Variants in FAM171B observed in about 807,000 individuals in gnomAD.
The protein encoded by FAM171B is family with sequence similarity 171 member B.
A neutral mutation model predicts 75.6 loss-of-function variants in FAM171B; 19 were observed. That is an observed-to-expected ratio of 0.25 (90% CI 0.18 to 0.37). The LOEUF is 0.37. FAM171B is among the 10% of genes least tolerant of loss of function. The probability of loss-of-function intolerance (pLI) is 1.00; values close to 1 mark genes in which losing one functional copy is unlikely to be tolerated. For synonymous variants in FAM171B, 367 were observed against 361.7 expected, an observed-to-expected ratio of 1.01 and a Z score of -0.17; for missense variants, 848 against 982.4, an observed-to-expected ratio of 0.86 and a Z score of 1.83.
intron 1 of FAM171B, among the ~76,000 whole-genome samples, chr2:186,701,785 G>A (rs1237042143): frequency 6.6e-6 from 1 of 152,140 alleles, no homozygotes; most frequent in Non-Finnish European, 1.5e-5. Flanking sequence ...GTTTTATAGT[G>A]TTCTTAATGT....
chr2:186,716,547 T>G (rs1689877554), intron 1 of FAM171B, among the ~76,000 whole-genome samples: 1 of 152,198 alleles, frequency 6.6e-6, no homozygotes, highest in East Asian at 1.9e-4. Flanking sequence ...TAACTTACTA[T>G]GATTACTGCA....
At chr2:186,741,627 A>AT (rs1170644580) in intron 2 of FAM171B, among the ~76,000 whole-genome samples, 2 of 152,102 alleles carry the variant, frequency 1.3e-5, no homozygotes, top group Non-Finnish European at 2.9e-5. Context: ...ACACACTTAG[A>AT]TTTTTTTACC....
chr2:186,742,704 T>A (rs1009504647), intron 2 of FAM171B, among the ~76,000 whole-genome samples: 1 of 152,148 alleles, frequency 6.6e-6, no homozygotes, highest in Non-Finnish European at 1.5e-5. Flanking sequence ...CTTTGGGAGC[T>A]CCTCAAAACT....
At position 186,724,136 on chromosome 2, in the gene FAM171B, A is replaced by G. The variant is rs1396717988; in HGVS notation, c.239-16092A>G. 2.0e-5 allele frequency among the ~76,000 whole-genome samples: 3 copies of G among 152,148 alleles called. No homozygotes were observed. The East Asian group carries it at 5.8e-4, about 29-fold the overall frequency. On this transcript the variant is annotated intron_variant, in intron 1 of 7. Coordinates refer to ENST00000304698, the MANE Select transcript of FAM171B (RefSeq NM_177454.4). ...TTAGCACAGCAAGTTTGGTTGCTCT[A>G]TCCTTGCTTGTCATGAAGCCTGGAG...
chr2:186,700,468 T>C (rs1267558580), intron 1 of FAM171B, among the ~76,000 whole-genome samples: 1 of 152,208 alleles, frequency 6.6e-6, no homozygotes, highest in Non-Finnish European at 1.5e-5. Context: ...TAGATTAATT[T>C]TGCATTTTAT....
chr2:186,742,976 T>G (rs1391277646), intron 2 of FAM171B, among the ~76,000 whole-genome samples: 1 of 152,188 alleles, frequency 6.6e-6, no homozygotes, highest in Non-Finnish European at 1.5e-5. Flanking sequence ...AATTGTTTCC[T>G]TCTCTGCCAA....
At chr2:186,757,434 A>G (rs1416350425) in intron 6 of FAM171B, among the ~76,000 whole-genome samples, 1 of 152,138 alleles carries the variant, frequency 6.6e-6, no homozygotes, top group Non-Finnish European at 1.5e-5. Context: ...ATTATGACAC[A>G]ATCCCTAATG....
intron 2 of FAM171B, among the ~76,000 whole-genome samples, chr2:186,742,154 G>T (rs548255718): frequency 1.3e-5 from 2 of 152,068 alleles, no homozygotes; most frequent in Admixed American, 6.6e-5. Context: ...TCCTATGGTG[G>T]TGTTGCAGTG....
intron 3 of FAM171B, among the ~76,000 whole-genome samples, chr2:186,744,335 ACT>A (rs1690335909): frequency 6.6e-6 from 1 of 152,016 alleles, no homozygotes. Flanking sequence ...GGTAAAAAGA[ACT>A]CTCTGTGAAA....
At chr2:186,739,692 G>A (rs1690259307) in intron 1 of FAM171B, among the ~76,000 whole-genome samples, 1 of 152,108 alleles carries the variant, frequency 6.6e-6, no homozygotes, top group Non-Finnish European at 1.5e-5. Context: ...AATACCTCCT[G>A]AAGGACCTGC....
chr2:186,762,443 A>T lies in FAM171B; in HGVS notation c.2101A>T (p.Asn701Tyr). The T allele has an allele frequency of 6.2e-7, 1 of 1,613,668 alleles. No homozygotes were observed. Among genetic ancestry groups the T allele is most frequent in the Non-Finnish European group, 8.5e-7 (1 of 1,179,796 alleles). Reference protein sequence around the residue: ...DLKKGKRTQSNDTSLDSGVDM... With the variant: ...DLKKGKRTQSYDTSLDSGVDM... ...GAAAAAGGGCAAGAGAACCCAGAGC[A>T]ATGACACCAGTCTGGACTCTGGGGT... The change falls in exon 8 of 8, where the codon AAT (asparagine) becomes TAT (tyrosine). Residue 701 changes from asparagine to tyrosine, a missense_variant. Physicochemically the swap from Asn to Tyr is moderately radical, Grantham distance 143. Around this residue, in one of 3 missense-constraint regions of FAM171B, gnomAD observed 136 missense variants for 159.3 expected, o/e 0.85. Coordinates refer to ENST00000304698, the MANE Select transcript of FAM171B (RefSeq NM_177454.4). The surrounding 1 kb of genome is among the most constrained non-coding windows in gnomAD (Gnocchi z 4.0).
At chr2:186,752,830 A>C (rs780104918) in intron 5 of FAM171B, among the ~76,000 whole-genome samples, 49 of 152,232 alleles carry the variant, frequency 3.2e-4, no homozygotes, top group Non-Finnish European at 6.2e-4. Flanking sequence ...CCATAATACA[A>C]ATATACACCA....
intron 1 of FAM171B, among the ~76,000 whole-genome samples, chr2:186,710,394 G>A (rs529786949): frequency 5.3e-5 from 8 of 152,322 alleles, no homozygotes; most frequent in African/African-American, 1.7e-4. Context: ...GAAAGATACT[G>A]TCTTAACCCA....
At chr2:186,706,563 T>C (rs1438784425) in intron 1 of FAM171B, among the ~76,000 whole-genome samples, 1 of 152,218 alleles carries the variant, frequency 6.6e-6, no homozygotes, top group African/African-American at 2.4e-5. Flanking sequence ...CATTCTGGTG[T>C]TCCAAAGATA....
chr2:186,756,223 T>C (rs1212510518), intron 6 of FAM171B, among the ~76,000 whole-genome samples: 1 of 152,250 alleles, frequency 6.6e-6, no homozygotes, highest in Non-Finnish European at 1.5e-5. Flanking sequence ...AGTATGGGAT[T>C]CTTGTTTAGT....
Position 186,765,128 on chromosome 2 carries a change from C to T in FAM171B, c.*2305C>T, listed in dbSNP as rs1032868000. On this transcript the variant is annotated 3_prime_UTR_variant, in exon 8 of 8. Transcript: ENST00000304698. ...TAATGATCAAAAGAGTGTGACTTCT[C>T]ATTTGTGAGTAGTTCACAAATTTCC... The T allele has an allele frequency of 3.3e-5, 5 of 151,956 alleles. No homozygotes were observed. The highest frequency in any genetic ancestry group is 2.0e-4 in the Admixed American group (3 of 15,232). The allele number at this position is 151,956 out of a possible 1,614,324, so 9.4% of individuals were successfully genotyped here. A position where few individuals can be genotyped will look rare whatever the true frequency, so the allele number is the denominator to read the frequency against.
chr2:186,751,520 A>G (rs1690454732), intron 5 of FAM171B, among the ~76,000 whole-genome samples: 1 of 152,144 alleles, frequency 6.6e-6, no homozygotes, highest in South Asian at 2.1e-4. Context: ...TTATTTATTC[A>G]TTCCCTTACC....
At chr2:186,720,126 C>T (rs1362660961) in intron 1 of FAM171B, among the ~76,000 whole-genome samples, 1 of 152,352 alleles carries the variant, frequency 6.6e-6, no homozygotes, top group African/African-American at 2.4e-5. Context: ...TAACCTCCAC[C>T]TCCTGGGTTC....
intron 5 of FAM171B, among the ~76,000 whole-genome samples, chr2:186,753,244 G>A (rs1455945224): frequency 6.6e-6 from 1 of 152,084 alleles, no homozygotes; most frequent in African/African-American, 2.4e-5. Context: ...CACCTCCCAG[G>A]CTCAAGCGAT....
Sources: allele counts gnomAD v4.1 joint callset (sites outside exome capture counted in the v4.1 genomes callset), GRCh38; gene constraint gnomAD v4.1.1; regional missense constraint gnomAD v4.1.1; non-coding constraint Gnocchi (gnomAD v3.1); transcripts MANE v1.5; gene names NCBI Gene and HGNC (gene_info 2026-07-23, HGNC 2026-07-21).